Variants in BIRC6 observed in about 807,000 individuals in gnomAD.
BIRC6 encodes the protein baculoviral IAP repeat containing 6.
BIRC6 carries 98 observed loss-of-function variants against 503.3 expected under a neutral mutation model. The ratio of observed to expected loss-of-function variants is 0.19; its 90% CI spans 0.17 to 0.23. The LOEUF (loss-of-function observed/expected upper bound fraction) is 0.23. Among genes scored for constraint, BIRC6 ranks in the 10% least tolerant of loss-of-function variants. The probability of loss-of-function intolerance (pLI) is 1.00; values close to 1 mark genes in which losing one functional copy is unlikely to be tolerated. For synonymous variants in BIRC6, 2,240 were observed against 2,078.7 expected, an observed-to-expected ratio of 1.08 and a Z score of -2.11; for missense variants, 5,360 against 5,806.0, an observed-to-expected ratio of 0.92 and a Z score of 2.50.
intron 23 of BIRC6, among the ~76,000 whole-genome samples, chr2:32,458,098 G>T (rs1346392297): frequency 6.6e-6 from 1 of 152,058 alleles, no homozygotes; most frequent in African/African-American, 2.4e-5. Flanking sequence ...TGATTTAAAG[G>T]TAATCTTTCC....
At chr2:32,616,315 T>C (rs889811795) in intron 73 of BIRC6, among the ~76,000 whole-genome samples, 1 of 152,102 alleles carries the variant, frequency 6.6e-6, no homozygotes, top group African/African-American at 2.4e-5. Context: ...CCCAGCACTT[T>C]GGGAGTCCAA....
At chr2:32,404,663 T>C (rs1281587498) in intron 8 of BIRC6, among the ~76,000 whole-genome samples, 3 of 151,830 alleles carry the variant, frequency 2.0e-5, no homozygotes, top group Non-Finnish European at 4.4e-5. Flanking sequence ...AATGTGATTT[T>C]ACAAATATAT....
At chr2:32,470,956 C>T (rs1047265276) in intron 31 of BIRC6, 58 bp from the exon 32 acceptor site, 5 of 1,507,754 alleles carry the variant, frequency 3.3e-6, no homozygotes, top group Non-Finnish European at 4.5e-6. Flanking sequence ...ATTATCAGAT[C>T]TAATTAGGAA....
chr2:32,358,109 G>A (rs1458323434), intron 1 of BIRC6, among the ~76,000 whole-genome samples: 2 of 151,864 alleles, frequency 1.3e-5, no homozygotes, highest in African/African-American at 4.8e-5. Flanking sequence ...TGAACTGCTT[G>A]GTCGACGACT....
rs746578848 is a variant in BIRC6, at chr2:32,467,583, G to A, written c.5415G>A (p.Leu1805=). Residue 1805 remains leucine (L), a synonymous_variant, in exon 27 of 74, where the codon TTG becomes TTA. Transcript: ENST00000421745. ...GGCCTATATTGTTGACTGATGTATTGATTCCCACTTGTGGAGACTTGGCCT... is the reference window on the plus strand; with the variant it reads ...GGCCTATATTGTTGACTGATGTATTAATTCCCACTTGTGGAGACTTGGCCT... ...FGRPILLTDV[L]IPTCGDLASL... The A allele has an allele frequency of 5.0e-6, 8 of 1,613,916 alleles. No individual in the cohort carries two copies. The highest frequency in any genetic ancestry group is 1.3e-5 in the African/African-American group (1 of 75,040).
chr2:32,439,793 C>T lies in BIRC6; in HGVS notation c.3810+107C>T, dbSNP rs183031436. The T allele has an allele frequency of 4.3e-4, 423 of 974,292 alleles. 1 individual carries two copies. Among genetic ancestry groups the T allele is most frequent in the Middle Eastern group, 6.6e-4 (3 of 4,516 alleles). The allele number at this position is 974,292 out of a possible 1,614,324, so 60.4% of individuals were successfully genotyped here. ...GACCTTTCAGTGATGTTTTACTATA[C>T]GCTTGGTTTGTTTGTATTTTGTCTT... On this transcript the variant is annotated intron_variant, in intron 16 of 73. Transcript: ENST00000421745.
rs1404602396 is a variant in BIRC6, at chr2:32,537,405, AAACT to A, written c.12292-5835_12292-5832del. ...AATGTAAAAGAAGAGAAATAATAAC[AAACT>A]GTCTCTCAGACCACAGTGCAATCAA... On this transcript the variant is annotated intron_variant, in intron 61 of 73. Transcript: ENST00000421745. 2.0e-5 allele frequency among the ~76,000 whole-genome samples: 3 copies of A among 152,204 alleles called. No homozygotes were observed. The East Asian group carries it at 5.8e-4, about 29-fold the overall frequency.
At position 32,401,389 on chromosome 2, in the gene BIRC6, T is replaced by C. The variant is rs2040579003; in HGVS notation, c.1257+4T>C. 7.4e-6 allele frequency: 12 copies of C among 1,613,374 alleles called. No homozygotes were observed. Among genetic ancestry groups the C allele is most frequent in the Non-Finnish European group, 9.3e-6 (11 of 1,179,408 alleles). On this transcript the variant is annotated splice_donor_region_variant and intron_variant, in intron 7 of 73. Coordinates refer to ENST00000421745, the MANE Select transcript of BIRC6 (RefSeq NM_016252.4). ...GGATGTTTCCAAACTTATGAAGGTA[T>C]GTTTGAATTTTGAAGTAACAAATTA...
In BIRC6 at chr2:32,499,696, G is replaced by A. The variant is rs773454548; in HGVS notation, c.8618G>A (p.Cys2873Tyr). 2 of 1,613,968 alleles carry A rather than the reference G, an allele frequency of 1.2e-6. No homozygotes were observed. The highest frequency in any genetic ancestry group is 3.3e-5 in the Admixed American group (2 of 60,022). The change falls in exon 46 of 74, where the codon TGC becomes TAC. Residue 2873 changes from cysteine to tyrosine, a missense_variant. Physicochemically the swap from Cys to Tyr is radical, Grantham distance 194. Around this residue, in one of 16 missense-constraint regions of BIRC6, gnomAD observed 2,299 missense variants for 2,267.2 expected, o/e 1.01. Coordinates refer to ENST00000421745, the MANE Select transcript of BIRC6 (RefSeq NM_016252.4). The stretch of plus-strand genomic sequence containing the variant: ...TTTTTAGTGCACCACTATATCACTT[G>A]CTCAGACAAAGTAATGTCAAGAAGT... ...VTFLVHHYIT[C>Y]SDKVMSRSGS...
chr2:32,431,186 T>C, intron 12 of BIRC6, 96 bp downstream of exon 12: 2 of 334,056 alleles, frequency 6.0e-6, no homozygotes, highest in Non-Finnish European at 9.1e-6. Flanking sequence ...TTTATCTTTT[T>C]TTTTTTTTTT....
intron 50 of BIRC6, chr2:32,505,454 C>T (rs2053686105): frequency 5.1e-6 from 2 of 393,656 alleles, no homozygotes; most frequent in Admixed American, 7.5e-5. Flanking sequence ...ATTTCGCTTT[C>T]TCTTTTCTCT....
intron 61 of BIRC6, chr2:32,532,387 C>T (rs1246889305): frequency 7.4e-6 from 3 of 403,836 alleles, no homozygotes; most frequent in South Asian, 3.8e-5. Context: ...CTATTGGTTG[C>T]CAGTAGTTCT....
chr2:32,426,932 G>C (rs1447234783), intron 10 of BIRC6, among the ~76,000 whole-genome samples: 1 of 152,154 alleles, frequency 6.6e-6, no homozygotes, highest in African/African-American at 2.4e-5. Context: ...GTTTCTTTCT[G>C]TACTTTAAAT....
chr2:32,587,341 T>G (rs1553520116), intron 66 of BIRC6, among the ~76,000 whole-genome samples: 2 of 150,760 alleles, frequency 1.3e-5, no homozygotes. Context: ...AAGCCGAGAT[T>G]TCGCCACTGC....
At chr2:32,445,467 T>C in intron 20 of BIRC6, 54 bp from the exon 21 acceptor site, 4 of 1,416,408 alleles carry the variant, frequency 2.8e-6, no homozygotes, top group Non-Finnish European at 3.8e-6. Context: ...AAATTCTCAT[T>C]GTTAGAGGAA....
chr2:32,554,664 A>G (rs1161828662), intron 65 of BIRC6, among the ~76,000 whole-genome samples: 1 of 152,160 alleles, frequency 6.6e-6, no homozygotes, highest in Non-Finnish European at 1.5e-5. Flanking sequence ...TTTATAACAA[A>G]CTATAATGTG....
intron 51 of BIRC6, 189 bp from the exon 52 acceptor site, chr2:32,509,549 G>A: frequency 1.5e-6 from 1 of 652,982 alleles, no homozygotes; most frequent in Non-Finnish European, 2.5e-6. Flanking sequence ...CACCGTGCCT[G>A]GCCATGATTT....
At chr2:32,381,008 T>C (rs1479355474) in intron 3 of BIRC6, among the ~76,000 whole-genome samples, 1 of 152,210 alleles carries the variant, frequency 6.6e-6, no homozygotes, top group South Asian at 2.1e-4. Context: ...GAGACAGTGC[T>C]TTCAATTAAA....
At chr2:32,540,947 T>A (rs1035621758) in intron 61 of BIRC6, among the ~76,000 whole-genome samples, 1 of 152,068 alleles carries the variant, frequency 6.6e-6, no homozygotes, top group African/African-American at 2.4e-5. Flanking sequence ...GGGAAATATA[T>A]GATAGTGGTT....
Sources: gnomAD v4.1 joint callset for allele counts (sites outside exome capture counted in the v4.1 genomes callset) on GRCh38, gnomAD v4.1.1 for gene constraint, gnomAD v4.1.1 regional missense constraint, MANE v1.5 for transcripts, NCBI Gene and HGNC (gene_info 2026-07-23, HGNC 2026-07-21) for gene names.